CGAS: variants seen among roughly 807,000 people sequenced by gnomAD.
CGAS encodes cyclic GMP-AMP synthase.
CGAS carries 31 observed loss-of-function variants against 34.0 expected under a neutral mutation model. That is an observed-to-expected ratio of 0.91 (90% confidence interval 0.69 to 1.23). CGAS has a LOEUF of 1.23. Among genes scored for constraint, CGAS ranks in the 50% most tolerant of loss-of-function variants. CGAS has a pLI of 0.00. For missense variants in CGAS, 597 were observed against 657.6 expected (o/e 0.91, Z 1.01); for synonymous variants, 266 against 260.0 (o/e 1.02, Z -0.22).
chr6:73,430,471 G>A (rs1770176911), intron 3 of CGAS, among the ~76,000 whole-genome samples: 1 of 152,050 alleles, frequency 6.6e-6, no homozygotes, highest in Non-Finnish European at 1.5e-5. Flanking sequence ...CTTAGCCAGT[G>A]TGGTGGCGTG....
At chr6:73,443,928 A>G (rs1178162739) in intron 2 of CGAS, among the ~76,000 whole-genome samples, 1 of 152,228 alleles carries the variant, frequency 6.6e-6, no homozygotes, top group African/African-American at 2.4e-5. Context: ...ATATGAAATG[A>G]AGCTGAAGAG....
chr6:73,431,787 A>C (rs1770198908), intron 3 of CGAS, among the ~76,000 whole-genome samples: 1 of 152,204 alleles, frequency 6.6e-6, no homozygotes, highest in Non-Finnish European at 1.5e-5. Context: ...TTACAAGACA[A>C]GCGGAAATTT....
chr6:73,430,605 C>T (rs917179811), intron 3 of CGAS, among the ~76,000 whole-genome samples: 3 of 151,454 alleles, frequency 2.0e-5, no homozygotes, highest in African/African-American at 7.3e-5. Flanking sequence ...CACGCCACTG[C>T]ACTCCAGCCT....
At chr6:73,430,590 G>A (rs776440840) in intron 3 of CGAS, among the ~76,000 whole-genome samples, 20 of 151,536 alleles carry the variant, frequency 1.3e-4, no homozygotes, top group East Asian at 5.8e-4. Context: ...GCAGTGAGTC[G>A]AGATCACGCC....
chr6:73,439,472 ACT>A (rs1770337601), intron 3 of CGAS, among the ~76,000 whole-genome samples: 1 of 150,262 alleles, frequency 6.7e-6, no homozygotes, highest in Non-Finnish European at 1.5e-5. Context: ...CAAGAGCAAA[ACT>A]CTGTCTCAGG....
chr6:73,451,184 A>G (rs1770559553), intron 1 of CGAS, among the ~76,000 whole-genome samples: 1 of 152,132 alleles, frequency 6.6e-6, no homozygotes, highest in Admixed American at 6.6e-5. Flanking sequence ...ATCCAAGTCA[A>G]TATCTGACTC....
intron 2 of CGAS, among the ~76,000 whole-genome samples, chr6:73,443,074 C>G (rs1770410738): frequency 1.3e-5 from 2 of 152,016 alleles, no homozygotes; most frequent in Non-Finnish European, 2.9e-5. Context: ...CCTGCCTTTT[C>G]ACTCTGTGTC....
At position 73,425,486 on chromosome 6, in the gene CGAS, T is replaced by A. The variant is rs148298509; in HGVS notation, c.1310A>T (p.His437Leu). 6.2e-7 allele frequency: 1 copy of A among 1,613,786 alleles called. No individual in the cohort carries two copies. The highest frequency in any genetic ancestry group is 1.3e-5 in the African/African-American group (1 of 74,888). ...TACGTGAAAGAAGGCAGTTTTCACA[T>A]GATAAGAAGAGAATTTATCCAGATG... ...KKHLDKFSSY[H>L]VKTAFFHVCT... The change falls in exon 5 of 5, where the codon CAT becomes CTT. Residue 437 changes from histidine to leucine, a missense_variant. By Grantham distance (99) the His-to-Leu change is moderately conservative. Around this residue, in one of 3 missense-constraint regions of CGAS, gnomAD observed 271 missense variants for 324.1 expected, o/e 0.84. Transcript: ENST00000370315.
chr6:73,451,535 T>C lies in CGAS; in HGVS notation c.647A>G (p.Glu216Gly). The change falls in exon 1 of 5, where the codon GAG becomes GGG. Residue 216 changes from glutamate (E) to glycine (G), a missense_variant. Coordinates refer to ENST00000370315, the MANE Select transcript of CGAS (RefSeq NM_138441.3). ...VGLLNTGSYY[E>G]HVKISAPNEF... ...CGCCAAGCAGCTCACCTTCACGTGC[T>C]CATAGTAGCTCCCGGTGTTCAGCAG... 1.3e-6 allele frequency: 2 copies of C among 1,567,076 alleles called. No homozygotes were observed. The highest frequency in any genetic ancestry group is 1.7e-6 in the Non-Finnish European group (2 of 1,156,308).
At position 73,451,742 on chromosome 6, in the gene CGAS, G is replaced by A. The variant is rs747174108; in HGVS notation, c.440C>T (p.Pro147Leu). ...CCGTACGAGAATGGGGGCCGAGACC[G>A]GCAGGCCGGGGCTGGGCACGTCCCA... ...GPWDVPSPGL[P>L]VSAPILVRRD... is the part of the protein sequence containing the mutation. The change falls in exon 1 of 5, where the codon CCG becomes CTG. Residue 147 changes from proline (P) to leucine (L), a missense_variant. Transcript: ENST00000370315. 1.2e-6 allele frequency: 2 copies of A among 1,611,088 alleles called. No homozygotes were observed. Among genetic ancestry groups the A allele is most frequent in the Non-Finnish European group, 1.7e-6 (2 of 1,178,990 alleles).
intron 3 of CGAS, among the ~76,000 whole-genome samples, chr6:73,433,814 T>C (rs1292983066): frequency 2.0e-5 from 3 of 152,056 alleles, no homozygotes; most frequent in African/African-American, 7.2e-5. Context: ...TTGTCCAAGA[T>C]GGTCTTGAAC....
chr6:73,443,289 G>T (rs1770414232), intron 2 of CGAS, among the ~76,000 whole-genome samples: 1 of 144,934 alleles, frequency 6.9e-6, no homozygotes, highest in Non-Finnish European at 1.5e-5. Context: ...GCCCAGGCTG[G>T]AGTTCAGTGG....
Position 73,440,292 on chromosome 6 carries a change from A to G in CGAS, c.1031T>C (p.Leu344Pro), listed in dbSNP as rs1279343949. Residue 344 changes from leucine (L) to proline (P), a missense_variant, in exon 3 of 5, where the codon CTT becomes CCT. Leu to Pro is a moderately conservative substitution (Grantham distance 98). Around this residue, in one of 3 missense-constraint regions of CGAS, gnomAD observed 271 missense variants for 324.1 expected, o/e 0.84. Transcript: ENST00000370315. ...TAGTTGCTTCCTAACTTTTGCTGAA[A>G]GCCAGTTTTGAATGCGCAGGCCTTC... The part of the protein sequence containing the change: ...TQEGLRIQNW[L>P]SAKVRKQLRL... 3 of 1,614,186 alleles carry G rather than the reference A, an allele frequency of 1.9e-6. No individual in the cohort carries two copies. The highest frequency in any genetic ancestry group is 2.5e-6 in the Non-Finnish European group (3 of 1,180,048).
intron 3 of CGAS, among the ~76,000 whole-genome samples, chr6:73,429,913 A>G (rs1367101213): frequency 6.6e-6 from 1 of 152,144 alleles, no homozygotes; most frequent in Non-Finnish European, 1.5e-5. Context: ...TATACTAGCA[A>G]AGTATAAGTA....
At chr6:73,439,072 G>A (rs1185524407) in intron 3 of CGAS, among the ~76,000 whole-genome samples, 1 of 152,136 alleles carries the variant, frequency 6.6e-6, no homozygotes, top group Non-Finnish European at 1.5e-5. Flanking sequence ...AACTAAGCAT[G>A]ATTGACTATT....
At position 73,452,078 on chromosome 6, in the gene CGAS, G is replaced by T. The variant is rs9352000; in HGVS notation, c.104C>A (p.Thr35Asn). Reference protein sequence around the residue: ...RNARGAPMDPTESPAAPEAAL... With the variant: ...RNARGAPMDPNESPAAPEAAL... ...GGCCTCGGGGGCAGCCGGAGACTCG[G>T]TGGGATCCATCGGGGCGCCCCTGGC... Residue 35 changes from threonine (T) to asparagine (N), a missense_variant, in exon 1 of 5, where the codon ACC (threonine) becomes AAC (asparagine). By Grantham distance (65) the Thr-to-Asn change is moderately conservative. Transcript: ENST00000370315. 1,327,433 of 1,566,690 alleles carry T rather than the reference G, an allele frequency of 0.85. 563,085 individuals carry two copies. Among genetic ancestry groups the T allele is most frequent in the East Asian group, 0.94 (39,963 of 42,654 alleles).
At chr6:73,428,608 C>T (rs561428390) in intron 4 of CGAS, 101 bp downstream of exon 4, 1 of 1,100,390 alleles carries the variant, frequency 9.1e-7, no homozygotes, top group African/African-American at 1.6e-5. Context: ...CCCTGCCCCC[C>T]AGACCCAACC....
chr6:73,431,343 A>G (rs1165324220), intron 3 of CGAS, among the ~76,000 whole-genome samples: 2 of 151,334 alleles, frequency 1.3e-5, no homozygotes, highest in South Asian at 2.1e-4. Flanking sequence ...TGGTGGCACA[A>G]GCCTGTAATC....
At position 73,452,174 on chromosome 6, in the gene CGAS, G is replaced by C. The variant is rs774733961; in HGVS notation, c.8C>G (p.Pro3Arg). Residue 3 changes from proline to arginine, a missense_variant, in exon 1 of 5, where the codon CCT (proline) becomes CGT (arginine). By Grantham distance (103) the Pro-to-Arg change is moderately radical (BLOSUM62 -2). This residue lies in a region of CGAS where 321 missense variants were observed against 314.3 expected (regional missense o/e 1.02). Transcript: ENST00000370315. MQ[P>R]WHGKAMQRAS... ...TCTCTGCATGGCCTTTCCGTGCCAAGGCTGCATGGCTGGCGCTTTCTGTTC... is the reference window on the plus strand; with the variant it reads ...TCTCTGCATGGCCTTTCCGTGCCAACGCTGCATGGCTGGCGCTTTCTGTTC... 11 of 1,601,390 alleles carry C rather than the reference G, an allele frequency of 6.9e-6. No homozygotes were observed. Among genetic ancestry groups the C allele is most frequent in the Non-Finnish European group, 9.4e-6 (11 of 1,174,656 alleles).
Sources: allele counts gnomAD v4.1 joint callset (sites outside exome capture counted in the v4.1 genomes callset), GRCh38; gene constraint gnomAD v4.1.1; regional missense constraint gnomAD v4.1.1; transcripts MANE v1.5; gene names NCBI Gene and HGNC (gene_info 2026-07-23, HGNC 2026-07-21).